EML4: variants seen among roughly 807,000 people sequenced by gnomAD.
EML4 encodes echinoderm microtubule-associated protein-like 4.
Under a neutral mutation model 129.0 loss-of-function variants are expected in EML4, and 72 were observed. The ratio of observed to expected loss-of-function variants is 0.56; its 90% confidence interval spans 0.46 to 0.68. The LOEUF (loss-of-function observed/expected upper bound fraction) is 0.68. Ranked by LOEUF, EML4 falls within the 30% of genes least tolerant of loss-of-function variation. The probability of loss-of-function intolerance (pLI) is 0.00; values close to 1 mark genes in which losing one functional copy is unlikely to be tolerated. For synonymous variants in EML4, 532 were observed against 405.0 expected, an observed-to-expected ratio of 1.31 and a Z score of -3.77; for missense variants, 1,363 against 1,190.6, an observed-to-expected ratio of 1.14 and a Z score of -2.13.
intron 17 of EML4, among the ~76,000 whole-genome samples, chr2:42,311,760 A>C (rs954230432): frequency 2.6e-5 from 4 of 152,240 alleles, no homozygotes; most frequent in Non-Finnish European, 5.9e-5. Flanking sequence ...AGGGATACTC[A>C]TAAAAATTGG....
chr2:42,247,118 A>G (rs1675456505), intron 2 of EML4, among the ~76,000 whole-genome samples: 1 of 152,184 alleles, frequency 6.6e-6, no homozygotes, highest in African/African-American at 2.4e-5. Flanking sequence ...TTGAACACAA[A>G]GATAGGTTGA....
chr2:42,201,769 G>T (rs1171837069), intron 1 of EML4, among the ~76,000 whole-genome samples: 1 of 152,034 alleles, frequency 6.6e-6, no homozygotes, highest in African/African-American at 2.4e-5. Flanking sequence ...CTTATATGTG[G>T]AAACTGAAAA....
chr2:42,245,415 G>C lies in EML4; in HGVS notation c.26-90G>C, dbSNP rs887134451. 14 of 1,264,800 alleles carry C rather than the reference G, an allele frequency of 1.1e-5. No individual in the cohort carries two copies. The Admixed American group carries it at 2.3e-4, about 21-fold the overall frequency. The allele number at this position is 1,264,800 out of a possible 1,614,324, so 78.3% of individuals were successfully genotyped here. ...CTAGCCAGAATTTTTCTCATCTTTT[G>C]TAAGTCTTATGTGGGATGGTTTTTC... is the stretch of plus-strand genomic sequence containing the variant. On this transcript the variant is annotated intron_variant, in intron 1 of 22. Transcript: ENST00000318522.
intron 1 of EML4, among the ~76,000 whole-genome samples, chr2:42,227,038 G>A (rs951125704): frequency 6.6e-6 from 1 of 152,096 alleles, no homozygotes; most frequent in African/African-American, 2.4e-5. Context: ...GTTGAGCCTT[G>A]TACTGAACTT....
intron 13 of EML4, among the ~76,000 whole-genome samples, 170 bp from the exon 14 acceptor site, chr2:42,301,071 A>G (rs1447475817): frequency 6.6e-6 from 1 of 152,220 alleles, no homozygotes; most frequent in Admixed American, 6.5e-5. Flanking sequence ...ATTATACCCT[A>G]AACTTTACTA....
At chr2:42,200,153 C>CAAAAAAAAAA (rs11421705) in intron 1 of EML4, among the ~76,000 whole-genome samples, 147 of 83,046 alleles carry the variant, frequency 1.8e-3, no homozygotes, top group East Asian at 3.1e-3. Context: ...ACTAAAAATA[C>CAAAAAAAAAA]AAAAAAAAAA....
intron 1 of EML4, among the ~76,000 whole-genome samples, chr2:42,207,093 A>T (rs953242384): frequency 7.9e-5 from 12 of 152,198 alleles, no homozygotes; most frequent in Non-Finnish European, 1.3e-4. Flanking sequence ...ACTTTTCAAT[A>T]TAGTTCTGTA....
At chr2:42,314,715 T>C (rs1669140877) in intron 17 of EML4, among the ~76,000 whole-genome samples, 1 of 152,228 alleles carries the variant, frequency 6.6e-6, no homozygotes, top group Non-Finnish European at 1.5e-5. Context: ...TGGGCAGTGC[T>C]CAACTCTGAA....
chr2:42,245,500 T>C lies in EML4; in HGVS notation c.26-5T>C. ...AAATATTCCATATTTTATTTTATTT[T>C]ATAGATGATAGTATTTCTGCTGCAA... On this transcript the variant is annotated splice_region_variant and splice_polypyrimidine_tract_variant and intron_variant, in intron 1 of 22. Coordinates refer to ENST00000318522, the MANE Select transcript of EML4 (RefSeq NM_019063.5). 2 of 1,594,180 alleles carry C rather than the reference T, an allele frequency of 1.3e-6. No individual in the cohort carries two copies. Among genetic ancestry groups the C allele is most frequent in the Non-Finnish European group, 1.7e-6 (2 of 1,167,924 alleles).
chr2:42,317,360 AG>A, intron 18 of EML4, 66 bp from the exon 19 acceptor site: 7 of 1,040,728 alleles, frequency 6.7e-6, no homozygotes, highest in Non-Finnish European at 1.0e-5. Context: ...TTGTAAAATC[AG>A]TAAAATAACA....
chr2:42,285,884 C>T (rs1439083513), intron 9 of EML4: 12 of 216,978 alleles, frequency 5.5e-5, no homozygotes, highest in African/African-American at 2.7e-4. Flanking sequence ...CCGGTGTGGG[C>T]CCCCGTGCCT....
chr2:42,189,994 G>C (rs1470988720), intron 1 of EML4, among the ~76,000 whole-genome samples: 4 of 151,524 alleles, frequency 2.6e-5, no homozygotes, highest in Admixed American at 2.6e-4. Flanking sequence ...CATCAAAATT[G>C]GGCTCTTTTT....
chr2:42,267,223 T>A (rs1018052583), intron 6 of EML4, among the ~76,000 whole-genome samples: 10 of 152,326 alleles, frequency 6.6e-5, no homozygotes, highest in African/African-American at 1.9e-4. Flanking sequence ...AGGTAAGTTT[T>A]AGTTATTAAT....
rs181679088 is a variant in EML4, at chr2:42,229,867, G to T, written c.26-15638G>T. On this transcript the variant is annotated intron_variant, in intron 1 of 22. Transcript: ENST00000318522. Reference sequence around the variant, plus strand: ...GGTCATATCCTGGCAGAGGGGAAAGGAGGGCAGGAAGATAGATAGCCTCAA... The same window carrying T: ...GGTCATATCCTGGCAGAGGGGAAAGTAGGGCAGGAAGATAGATAGCCTCAA... Among the ~76,000 whole-genome samples the T allele has an allele frequency of 1.1e-3, 173 of 151,788 alleles. 1 individual carries two copies. The highest frequency in any genetic ancestry group is 4.0e-3 in the African/African-American group (164 of 41,334).
chr2:42,237,472 C>T (rs528185123), intron 1 of EML4, among the ~76,000 whole-genome samples: 2 of 151,936 alleles, frequency 1.3e-5, no homozygotes, highest in Admixed American at 1.3e-4. Context: ...CTTTAATCTT[C>T]TTGGATTTTA....
chr2:42,300,713 A>G (rs1668234833), intron 13 of EML4, among the ~76,000 whole-genome samples: 1 of 152,190 alleles, frequency 6.6e-6, no homozygotes, highest in South Asian at 2.1e-4. Context: ...GTAAAACGTT[A>G]AACGTTGTGA....
At chr2:42,182,829 A>C (rs1671024933) in intron 1 of EML4, among the ~76,000 whole-genome samples, 1 of 152,148 alleles carries the variant, frequency 6.6e-6, no homozygotes, top group Admixed American at 6.5e-5. Flanking sequence ...ATTTCTTACA[A>C]CACCTTCCTC....
intron 1 of EML4, among the ~76,000 whole-genome samples, chr2:42,199,199 G>A (rs1356113435): frequency 2.0e-5 from 3 of 152,204 alleles, no homozygotes; most frequent in African/African-American, 7.2e-5. Flanking sequence ...TGAGTTTTAA[G>A]ATTTCAGATG....
intron 6 of EML4, among the ~76,000 whole-genome samples, chr2:42,274,524 A>G (rs145146607): frequency 1.9e-4 from 29 of 152,342 alleles, no homozygotes; most frequent in Admixed American, 9.2e-4. Flanking sequence ...GGAATGGAGT[A>G]TGCCCAGAGC....
Sources: gnomAD v4.1 joint callset for allele counts (sites outside exome capture counted in the v4.1 genomes callset) on GRCh38, gnomAD v4.1.1 for gene constraint, MANE v1.5 for transcripts, NCBI Gene and HGNC (gene_info 2026-07-23, HGNC 2026-07-21) for gene names.